The following RCAN2 variants were observed in gnomAD, a reference collection of about 807,000 sequenced individuals.
RCAN2 encodes the protein calcipressin-2.
Under a neutral mutation model 23.6 loss-of-function variants are expected in RCAN2, and 9 were observed. That is an observed-to-expected ratio of 0.38 (90% CI 0.23 to 0.67). RCAN2 has a LOEUF of 0.67. Ranked by LOEUF, RCAN2 falls within the 30% of genes least tolerant of loss-of-function variation. The pLI, the probability that RCAN2 is intolerant of heterozygous loss-of-function variation, is 0.51. For missense variants in RCAN2, 273 were observed against 302.3 expected (o/e 0.90, Z 0.72); for synonymous variants, 109 against 115.7 (o/e 0.94, Z 0.37).
intron 2 of RCAN2, among the ~76,000 whole-genome samples, chr6:46,362,489 A>T (rs1338240854): frequency 6.6e-6 from 1 of 152,170 alleles, no homozygotes; most frequent in Non-Finnish European, 1.5e-5. Flanking sequence ...ATGACAAACC[A>T]AACAAATCCT....
At chr6:46,362,108 G>T (rs991638630) in intron 2 of RCAN2, among the ~76,000 whole-genome samples, 1 of 152,118 alleles carries the variant, frequency 6.6e-6, no homozygotes, top group African/African-American at 2.4e-5. Flanking sequence ...GGATTCTGAG[G>T]TCTAGAATAA....
At chr6:46,279,845 G>A (rs1767842552) in intron 2 of RCAN2, among the ~76,000 whole-genome samples, 1 of 152,200 alleles carries the variant, frequency 6.6e-6, no homozygotes, top group Admixed American at 6.5e-5. Context: ...AGAATTTAAT[G>A]AGATAATGCA....
intron 1 of RCAN2, among the ~76,000 whole-genome samples, chr6:46,481,507 C>T (rs1276208703): frequency 6.6e-6 from 1 of 152,108 alleles, no homozygotes; most frequent in African/African-American, 2.4e-5. Context: ...AATTGGTTCT[C>T]ATTAGTAAAA....
At chr6:46,386,610 C>CAAAAAAAAAAAA (rs142110760) in intron 2 of RCAN2, among the ~76,000 whole-genome samples, 1 of 91,686 alleles carries the variant, frequency 1.1e-5, no homozygotes, top group African/African-American at 5.5e-5. Context: ...CTCTGTCTCA[C>CAAAAAAAAAAAA]AAAAAAAAAA....
At chr6:46,445,561 A>G (rs1421661754) in intron 2 of RCAN2, among the ~76,000 whole-genome samples, 1 of 152,266 alleles carries the variant, frequency 6.6e-6, no homozygotes, top group Non-Finnish European at 1.5e-5. Flanking sequence ...ACAGCATCAA[A>G]GGAATAAAAT....
chr6:46,290,427 T>C (rs922484122), intron 2 of RCAN2, among the ~76,000 whole-genome samples: 2 of 152,192 alleles, frequency 1.3e-5, no homozygotes, highest in African/African-American at 4.8e-5. Flanking sequence ...GGGATGAAAT[T>C]TGCAGGAGGC....
intron 2 of RCAN2, among the ~76,000 whole-genome samples, chr6:46,410,330 CATCT>C (rs1269816787): frequency 2.0e-5 from 3 of 152,148 alleles, no homozygotes; most frequent in Non-Finnish European, 2.9e-5. Flanking sequence ...CTCATTCATC[CATCT>C]ATCTACCTAC....
At chr6:46,476,705 T>C in intron 1 of RCAN2, among the ~76,000 whole-genome samples, 1 of 152,318 alleles carries the variant, frequency 6.6e-6, no homozygotes, top group East Asian at 1.9e-4. Context: ...AAATATTTTG[T>C]CTTTTGTTCT....
chr6:46,258,158 C>T (rs757552339), intron 2 of RCAN2, among the ~76,000 whole-genome samples: 24 of 152,218 alleles, frequency 1.6e-4, no homozygotes, highest in Non-Finnish European at 2.9e-4. Flanking sequence ...AGTAAAACCA[C>T]TCCTTTAGGT....
At chr6:46,319,474 C>T (rs898364358) in intron 2 of RCAN2, among the ~76,000 whole-genome samples, 7 of 152,188 alleles carry the variant, frequency 4.6e-5, no homozygotes, top group Non-Finnish European at 1.0e-4. Flanking sequence ...TACTTCTCAA[C>T]AGTTAAAAGA....
At chr6:46,453,360 A>T (rs1438605995) in intron 2 of RCAN2, among the ~76,000 whole-genome samples, 1 of 152,250 alleles carries the variant, frequency 6.6e-6, no homozygotes, top group Admixed American at 6.5e-5. Context: ...TATATAAACA[A>T]ATCTCAACCA....
intron 2 of RCAN2, among the ~76,000 whole-genome samples, chr6:46,442,596 A>C (rs1259528361): frequency 2.6e-5 from 4 of 152,216 alleles, no homozygotes. Context: ...TCATTTTTGC[A>C]AATAGGGAGA....
At chr6:46,258,415 T>TA (rs1328313991) in intron 2 of RCAN2, among the ~76,000 whole-genome samples, 3 of 152,178 alleles carry the variant, frequency 2.0e-5, no homozygotes, top group Non-Finnish European at 2.9e-5. Context: ...GCTACCTAAA[T>TA]AAAAATCATT....
In RCAN2 at chr6:46,474,804, G is replaced by T. The variant is rs116316692; in HGVS notation, c.-3+16369C>A. 9.4e-3 allele frequency among the ~76,000 whole-genome samples: 1,427 copies of T among 152,240 alleles called. 20 individuals carry two copies. Among genetic ancestry groups the T allele is most frequent in the African/African-American group, 0.033 (1,351 of 41,546 alleles). ...AAAGGGGAGCAACAAAAGATAAATT[G>T]AACACAATTGGGGGTGAGTAGCTGG... On this transcript the variant is annotated intron_variant, in intron 1 of 4. Transcript: ENST00000371374.
At chr6:46,440,890 C>G (rs1767521772) in intron 2 of RCAN2, among the ~76,000 whole-genome samples, 1 of 152,144 alleles carries the variant, frequency 6.6e-6, no homozygotes, top group Non-Finnish European at 1.5e-5. Flanking sequence ...GAAATAGTTT[C>G]CATGTGGAAA....
At chr6:46,297,085 G>T (rs959784104) in intron 2 of RCAN2, among the ~76,000 whole-genome samples, 10 of 151,946 alleles carry the variant, frequency 6.6e-5, no homozygotes, top group African/African-American at 2.4e-4. Context: ...TATGATAAAG[G>T]CTCCGTACTA....
chr6:46,411,279 T>C (rs1766543429), intron 2 of RCAN2, among the ~76,000 whole-genome samples: 1 of 152,180 alleles, frequency 6.6e-6, no homozygotes, highest in South Asian at 2.1e-4. Context: ...ATGAGGCACC[T>C]AGTGTAGTCA....
intron 1 of RCAN2, 93 bp from the exon 2 acceptor site, chr6:46,457,071 A>T: frequency 1.3e-6 from 1 of 781,138 alleles, no homozygotes; most frequent in Non-Finnish European, 2.1e-6. Context: ...GGGGCAGAAC[A>T]GTGGAGTACG....
intron 2 of RCAN2, among the ~76,000 whole-genome samples, chr6:46,438,070 GCCATTCTTTCCCTGTCA>G (rs925553842): frequency 6.6e-6 from 1 of 152,028 alleles, no homozygotes; most frequent in African/African-American, 2.4e-5. Context: ...AGAGTCAAAG[GCCATTCTTTCCCTGTCA>G]CCCCCACTCA....
Sources: gnomAD v4.1 joint callset for allele counts (sites outside exome capture counted in the v4.1 genomes callset) on GRCh38, gnomAD v4.1.1 for gene constraint, MANE v1.5 for transcripts, NCBI Gene and HGNC (gene_info 2026-07-23, HGNC 2026-07-21) for gene names.